Variants in ADAT2 observed in about 807,000 individuals in gnomAD.
ADAT2 encodes adenosine deaminase tRNA specific 2, also known as tRNA-specific adenosine-34 deaminase catalytic subunit ADAT2.
ADAT2 carries 26 observed loss-of-function variants against 25.9 expected under a neutral mutation model. The observed-to-expected ratio is 1.00, with a 90% CI of 0.74 to 1.39. ADAT2 has a LOEUF of 1.39. ADAT2 is among the 40% of genes most tolerant of loss of function. The probability of loss-of-function intolerance (pLI) is 0.00; values close to 1 mark genes in which losing one functional copy is unlikely to be tolerated. For missense variants in ADAT2, 220 were observed against 244.8 expected (o/e 0.90, Z 0.68); for synonymous variants, 76 against 86.8 (o/e 0.88, Z 0.69).
rs1779271148 is a variant in ADAT2, at chr6:143,436,143, G to A, written c.202-2162C>T. The A allele has an allele frequency of 6.5e-6, 1 of 153,268 alleles. No homozygotes were observed. Among genetic ancestry groups the A allele is most frequent in the Admixed American group, 6.5e-5 (1 of 15,322 alleles). 9.5% of individuals were successfully genotyped at this position (153,268 alleles called of 1,614,324 possible). Reference sequence around the variant, plus strand: ...TTAATAGTTCTGCATAGAGAAATGAGATAGAACTGCTTCTACTTTCTGTAT... The same window carrying A: ...TTAATAGTTCTGCATAGAGAAATGAAATAGAACTGCTTCTACTTTCTGTAT... On this transcript the variant is annotated intron_variant, in intron 2 of 5. Transcript: ENST00000237283. The surrounding 1 kb of genome is among the most constrained non-coding windows in gnomAD (Gnocchi z 4.1).
Position 143,423,644 on chromosome 6 carries a change from G to A in ADAT2, c.*4819C>T, listed in dbSNP as rs1375715523. Reference sequence around the variant, plus strand: ...AGCTCTGAATACAACCAGAACATGTGGGGGTTTATAACTAATGGGCAGAGT... The same window carrying A: ...AGCTCTGAATACAACCAGAACATGTAGGGGTTTATAACTAATGGGCAGAGT... On this transcript the variant is annotated 3_prime_UTR_variant, in exon 6 of 6. Transcript: ENST00000237283. 1 of 152,174 alleles carries A rather than the reference G, an allele frequency of 6.6e-6. No homozygotes were observed. The highest frequency in any genetic ancestry group is 1.5e-5 in the Non-Finnish European group (1 of 68,046). 9.4% of individuals were successfully genotyped at this position (152,174 alleles called of 1,614,324 possible). A position where few individuals can be genotyped will look rare whatever the true frequency, so the allele number is the denominator to read the frequency against.
At position 143,434,039 on chromosome 6, in the gene ADAT2, C is replaced by T; in HGVS notation, c.202-58G>A. On this transcript the variant is annotated intron_variant, in intron 2 of 5. Coordinates refer to ENST00000237283, the MANE Select transcript of ADAT2 (RefSeq NM_182503.3). This position sits in a 1 kb window ranked among gnomAD's most constrained non-coding sequence, Gnocchi z 4.5. ...TTTGCTTCATGTGACTACTATTTTA[C>T]AAATATACAAAAACTAAGTACAAAA... 1 of 1,591,684 alleles carries T rather than the reference C, an allele frequency of 6.3e-7. No individual in the cohort carries two copies.
At position 143,425,351 on chromosome 6, in the gene ADAT2, C is replaced by CA. The variant is rs775768101; in HGVS notation, c.*3111dup. 0.01 allele frequency: 963 copies of CA among 92,204 alleles called. 21 individuals carry two copies. Among genetic ancestry groups the CA allele is most frequent in the Middle Eastern group, 0.035 (7 of 200 alleles). 5.7% of individuals were successfully genotyped at this position (92,204 alleles called of 1,614,324 possible). On this transcript the variant is annotated 3_prime_UTR_variant, in exon 6 of 6. Coordinates refer to ENST00000237283, the MANE Select transcript of ADAT2 (RefSeq NM_182503.3). Reference sequence around the variant, plus strand: ...GCAACATAGTGAGACCTTGTCTCTACAAAAAAAAAAAAAAAAAAAAATTAG... The same window carrying CA: ...GCAACATAGTGAGACCTTGTCTCTACAAAAAAAAAAAAAAAAAAAAAATTAG...
chr6:143,448,794 G>A (rs1386107095), intron 1 of ADAT2, among the ~76,000 whole-genome samples: 2 of 152,090 alleles, frequency 1.3e-5, no homozygotes, highest in African/African-American at 2.4e-5. Context: ...AACTGCCCGG[G>A]CCCAGGAGTT....
chr6:143,443,090 AT>A (rs1489432036), intron 1 of ADAT2, among the ~76,000 whole-genome samples: 1 of 152,122 alleles, frequency 6.6e-6, no homozygotes, highest in African/African-American at 2.4e-5. Flanking sequence ...AATTCATTTC[AT>A]TTACAAGCCT....
Position 143,425,955 on chromosome 6 carries a change from T to A in ADAT2, c.*2508A>T, listed in dbSNP as rs1778923874. ...AAAGATATTTTAACATGATCTTTTATCAGTGATTGAAGCCTACCAAAGCAT... is the reference window on the plus strand; with the variant it reads ...AAAGATATTTTAACATGATCTTTTAACAGTGATTGAAGCCTACCAAAGCAT... On this transcript the variant is annotated 3_prime_UTR_variant, in exon 6 of 6. Transcript: ENST00000237283. The A allele has an allele frequency of 6.6e-6, 1 of 152,580 alleles. No homozygotes were observed. The highest frequency in any genetic ancestry group is 6.5e-5 in the Admixed American group (1 of 15,276). The allele number at this position is 152,580 out of a possible 1,614,324, so 9.5% of individuals were successfully genotyped here.
intron 1 of ADAT2, among the ~76,000 whole-genome samples, chr6:143,450,118 A>G (rs1779720566): frequency 6.6e-6 from 1 of 152,176 alleles, no homozygotes; most frequent in African/African-American, 2.4e-5. Context: ...CAGAGGAAAT[A>G]ATGAATGAAT....
intron 3 of ADAT2, 63 bp downstream of exon 3, chr6:143,433,768 G>A: frequency 2.0e-6 from 3 of 1,494,546 alleles, no homozygotes; most frequent in East Asian, 4.6e-5. Context: ...CAGGCTACGT[G>A]TTTGGCCACT....
chr6:143,447,710 A>C (rs928472770), intron 1 of ADAT2, among the ~76,000 whole-genome samples: 1 of 152,186 alleles, frequency 6.6e-6, no homozygotes, highest in African/African-American at 2.4e-5. Context: ...TACTGGATCA[A>C]AGGATAAGCT....
Position 143,434,837 on chromosome 6 carries a change from T to C in ADAT2, c.202-856A>G, listed in dbSNP as rs1562639346. On this transcript the variant is annotated intron_variant, in intron 2 of 5. Coordinates refer to ENST00000237283, the MANE Select transcript of ADAT2 (RefSeq NM_182503.3). The surrounding 1 kb of genome is among the most constrained non-coding windows in gnomAD (Gnocchi z 4.5). ...ATGGAATAATTATTTATAATATTCA[T>C]GACAATAGTATTTATCAATAATTTA... Among the ~76,000 whole-genome samples, 1 of 152,348 alleles carries C rather than the reference T, an allele frequency of 6.6e-6. No individual in the cohort carries two copies. Among genetic ancestry groups the C allele is most frequent in the East Asian group, 1.9e-4 (1 of 5,194 alleles).
rs906908164 is a variant in ADAT2 at position 143,434,176 on chromosome 6, T to G, written c.202-195A>C. 1.3e-5 allele frequency among the ~76,000 whole-genome samples: 2 copies of G among 152,186 alleles called. No homozygotes were observed. The highest frequency in any genetic ancestry group is 2.4e-5 in the African/African-American group (1 of 41,456). On this transcript the variant is annotated intron_variant, in intron 2 of 5. Transcript: ENST00000237283. This position sits in a 1 kb window ranked among gnomAD's most constrained non-coding sequence, Gnocchi z 4.5. Reference sequence around the variant, plus strand: ...ACCATAACCTCACTTGCGAAAGATATCTAATCAGAGATGCCACAGGAATCA... The same window carrying G: ...ACCATAACCTCACTTGCGAAAGATAGCTAATCAGAGATGCCACAGGAATCA...
At chr6:143,430,169 T>A (rs946357004) in intron 4 of ADAT2, among the ~76,000 whole-genome samples, 2 of 152,182 alleles carry the variant, frequency 1.3e-5, no homozygotes, top group African/African-American at 4.8e-5. Flanking sequence ...GCCAGTCCCG[T>A]CACAGCTGCC....
At chr6:143,433,064 TGAG>T (rs1779163901) in intron 3 of ADAT2, among the ~76,000 whole-genome samples, 1 of 152,170 alleles carries the variant, frequency 6.6e-6, no homozygotes. Context: ...TAAGGCAGGA[TGAG>T]GAGAGAATTC....
Position 143,423,340 on chromosome 6 carries a change from T to C in ADAT2, c.*5123A>G, listed in dbSNP as rs1778836742. On this transcript the variant is annotated 3_prime_UTR_variant, in exon 6 of 6. Transcript: ENST00000237283. ...CATATAAGGTTCATGGGTCACTAAA[T>C]ATTATCCTTCTTTTGATTTTTTTTC... The C allele has an allele frequency of 6.6e-6, 1 of 152,182 alleles. No individual in the cohort carries two copies. Among genetic ancestry groups the C allele is most frequent in the African/African-American group, 2.4e-5 (1 of 41,446 alleles). The allele number at this position is 152,182 out of a possible 1,614,324, so 9.4% of individuals were successfully genotyped here. A position where few individuals can be genotyped will look rare whatever the true frequency, so the allele number is the denominator to read the frequency against.
rs1187647333 is a variant in ADAT2 at position 143,428,518 on chromosome 6, A to C, written c.533-12T>G. 14 of 1,613,832 alleles carry C rather than the reference A, an allele frequency of 8.7e-6. No homozygotes were observed. Among genetic ancestry groups the C allele is most frequent in the Non-Finnish European group, 1.2e-5 (14 of 1,179,936 alleles). On this transcript the variant is annotated splice_polypyrimidine_tract_variant and intron_variant, in intron 5 of 5. Coordinates refer to ENST00000237283, the MANE Select transcript of ADAT2 (RefSeq NM_182503.3). This position sits in a 1 kb window ranked among gnomAD's most constrained non-coding sequence, Gnocchi z 5.0. ...TTTCGATTTTGGTGCTGTGAAAAGA[A>C]TAGAAAAGAAAAAGAAAATGAAGAG...
At position 143,426,062 on chromosome 6, in the gene ADAT2, T is replaced by A. The variant is rs1778926130; in HGVS notation, c.*2401A>T. 6.6e-6 allele frequency: 1 copy of A among 152,376 alleles called. No homozygotes were observed. The highest frequency in any genetic ancestry group is 2.1e-4 in the South Asian group (1 of 4,828). 9.4% of individuals were successfully genotyped at this position (152,376 alleles called of 1,614,324 possible). On this transcript the variant is annotated 3_prime_UTR_variant, in exon 6 of 6. Coordinates refer to ENST00000237283, the MANE Select transcript of ADAT2 (RefSeq NM_182503.3). This position sits in a 1 kb window ranked among gnomAD's most constrained non-coding sequence, Gnocchi z 4.1. ...CTAGCAGCTTCTAAATGTAATCATT[T>A]CCCCCTAATTTCTCTCAACAGGGCA...
chr6:143,438,650 A>G lies in ADAT2; in HGVS notation c.141T>C (p.Leu47=). The G allele has an allele frequency of 1.2e-6, 2 of 1,613,476 alleles. No homozygotes were observed. Among genetic ancestry groups the G allele is most frequent in the Non-Finnish European group, 1.7e-6 (2 of 1,179,518 alleles). ...CTACAACTTCATTGTTGTAGACCAT[A>G]AGACAGCCAACAGGAACTTCAGTAT... ...LENTEVPVGC[L]MVYNNEVVGK... Residue 47 remains leucine, a synonymous_variant, in exon 2 of 6, where the codon CTT becomes CTC. Coordinates refer to ENST00000237283, the MANE Select transcript of ADAT2 (RefSeq NM_182503.3).
rs529775963 is a variant in ADAT2 at position 143,449,179 on chromosome 6, T to C, written c.96+1384A>G. On this transcript the variant is annotated intron_variant, in intron 1 of 5. Coordinates refer to ENST00000237283, the MANE Select transcript of ADAT2 (RefSeq NM_182503.3). ...CCACCTTCCTCAGCCTCCTGAGTAG[T>C]TGGGACTACAGGCACATGCCACCAT... Among the ~76,000 whole-genome samples the C allele has an allele frequency of 7.9e-5, 12 of 152,200 alleles. No homozygotes were observed. In the South Asian group the frequency reaches 2.3e-3, roughly 29 times the overall value.
At position 143,437,140 on chromosome 6, in the gene ADAT2, T is replaced by C. The variant is rs1410755652; in HGVS notation, c.201+1450A>G. Among the ~76,000 whole-genome samples, 3 of 152,198 alleles carry C rather than the reference T, an allele frequency of 2.0e-5. No homozygotes were observed. The highest frequency in any genetic ancestry group is 4.4e-5 in the Non-Finnish European group (3 of 68,036). On this transcript the variant is annotated intron_variant, in intron 2 of 5. Transcript: ENST00000237283. This position sits in a 1 kb window ranked among gnomAD's most constrained non-coding sequence, Gnocchi z 4.1. ...CAGTGAACATGGTTATATATAAATC[T>C]GAATTGTCCAACTACTTTGTCGGAA...
Sources: allele counts gnomAD v4.1 joint callset (sites outside exome capture counted in the v4.1 genomes callset), GRCh38; gene constraint gnomAD v4.1.1; non-coding constraint Gnocchi (gnomAD v3.1); transcripts MANE v1.5; gene names NCBI Gene and HGNC (gene_info 2026-07-23, HGNC 2026-07-21).